PTPRO: variants seen among roughly 807,000 people sequenced by gnomAD.
PTPRO encodes receptor-type tyrosine-protein phosphatase O.
PTPRO carries 62 observed loss-of-function variants against 145.2 expected under a neutral mutation model. The observed-to-expected ratio is 0.43, with a 90% confidence interval of 0.35 to 0.53. The LOEUF (loss-of-function observed/expected upper bound fraction) is 0.53. Ranked by LOEUF, PTPRO falls within the 20% of genes least tolerant of loss-of-function variation. The pLI is 0.01. For synonymous variants in PTPRO, 565 were observed against 514.7 expected, an observed-to-expected ratio of 1.10 and a Z score of -1.32; for missense variants, 1,345 against 1,482.7, an observed-to-expected ratio of 0.91 and a Z score of 1.53.
At chr12:15,439,831 G>A (rs1439537649) in intron 1 of PTPRO, 1 of 617,570 alleles carries the variant, frequency 1.6e-6, no homozygotes, top group Non-Finnish European at 3.0e-6. Flanking sequence ...CCTCTCTCAA[G>A]AACAAGGATT....
At chr12:15,482,611 T>C (rs1941803262) in intron 1 of PTPRO, among the ~76,000 whole-genome samples, 1 of 152,156 alleles carries the variant, frequency 6.6e-6, no homozygotes, top group East Asian at 1.9e-4. Flanking sequence ...AATGTATATA[T>C]GTATCAAAAT....
At chr12:15,562,820 T>C (rs955018970) in intron 17 of PTPRO, among the ~76,000 whole-genome samples, 6 of 151,802 alleles carry the variant, frequency 4.0e-5, no homozygotes, top group Non-Finnish European at 7.4e-5. Flanking sequence ...TCCTAGGCAG[T>C]TGGCATTTTA....
chr12:15,404,067 G>C (rs1439874768), intron 1 of PTPRO, among the ~76,000 whole-genome samples: 1 of 151,420 alleles, frequency 6.6e-6, no homozygotes, highest in Admixed American at 6.6e-5. Context: ...GTGGTGGCGG[G>C]TGCCTGTAGT....
intron 1 of PTPRO, among the ~76,000 whole-genome samples, chr12:15,469,238 A>G (rs1287937703): frequency 1.3e-5 from 2 of 152,210 alleles, no homozygotes; most frequent in Non-Finnish European, 2.9e-5. Flanking sequence ...GGGAAAAACC[A>G]TTTTCAAACT....
At chr12:15,559,878 G>A (rs1166398953) in intron 16 of PTPRO, among the ~76,000 whole-genome samples, 1 of 152,082 alleles carries the variant, frequency 6.6e-6, no homozygotes, top group African/African-American at 2.4e-5. Context: ...TAACTAATGA[G>A]GCATATAAGT....
chr12:15,435,479 T>C (rs1472269582), intron 1 of PTPRO, among the ~76,000 whole-genome samples: 1 of 152,226 alleles, frequency 6.6e-6, no homozygotes, highest in African/African-American at 2.4e-5. Flanking sequence ...TTGCACTGTA[T>C]TGAATATAAA....
intron 9 of PTPRO, 196 bp downstream of exon 9, chr12:15,517,152 C>T (rs1042377620): frequency 9.3e-6 from 6 of 647,230 alleles, no homozygotes; most frequent in Non-Finnish European, 1.6e-5. Context: ...TTTAATTGGA[C>T]TTACAGTTCC....
intron 1 of PTPRO, among the ~76,000 whole-genome samples, chr12:15,360,497 T>C (rs1041851969): frequency 6.6e-6 from 1 of 152,094 alleles, no homozygotes; most frequent in African/African-American, 2.4e-5. Context: ...CCAAGTGCCA[T>C]GCAGGAACAA....
chr12:15,420,134 G>A (rs1940099532), intron 1 of PTPRO, among the ~76,000 whole-genome samples: 1 of 119,964 alleles, frequency 8.3e-6, no homozygotes, highest in East Asian at 2.4e-4. Flanking sequence ...GCGAAAGAGC[G>A]AGACTCCGAC....
intron 1 of PTPRO, among the ~76,000 whole-genome samples, chr12:15,470,783 G>A (rs1299810352): frequency 6.6e-6 from 1 of 152,182 alleles, no homozygotes; most frequent in Non-Finnish European, 1.5e-5. Context: ...AGAAAATAGA[G>A]TATGATCTAG....
At chr12:15,567,621 A>G (rs1356303578) in intron 18 of PTPRO, among the ~76,000 whole-genome samples, 1 of 152,144 alleles carries the variant, frequency 6.6e-6, no homozygotes, top group East Asian at 1.9e-4. Context: ...TGAAAGCTAG[A>G]GTTGTTAAAT....
chr12:15,400,904 G>T (rs1311742518), intron 1 of PTPRO, among the ~76,000 whole-genome samples: 1 of 152,154 alleles, frequency 6.6e-6, no homozygotes, highest in African/African-American at 2.4e-5. Context: ...CACCTAGCAC[G>T]AATTGTTGCT....
In PTPRO at chr12:15,559,195, C is replaced by T. The variant is rs74062872; in HGVS notation, c.2628-998C>T. 8.0e-3 allele frequency among the ~76,000 whole-genome samples: 1,218 copies of T among 152,200 alleles called. 13 individuals carry two copies. The highest frequency in any genetic ancestry group is 0.027 in the African/African-American group (1,142 of 41,534). On this transcript the variant is annotated intron_variant, in intron 16 of 26. Transcript: ENST00000281171. Reference sequence around the variant, plus strand: ...CACAATTCATGGAATTTATGGGAGACCAGTCATGGGAGAGCTGAAGCAAAA... The same window carrying T: ...CACAATTCATGGAATTTATGGGAGATCAGTCATGGGAGAGCTGAAGCAAAA...
At chr12:15,496,215 T>C (rs1450814789) in intron 2 of PTPRO, among the ~76,000 whole-genome samples, 1 of 149,530 alleles carries the variant, frequency 6.7e-6, no homozygotes, top group Non-Finnish European at 1.5e-5. Context: ...GGATCTCTGC[T>C]CTTGGCAACC....
intron 1 of PTPRO, among the ~76,000 whole-genome samples, chr12:15,378,610 A>G (rs1177799659): frequency 6.6e-6 from 1 of 151,956 alleles, no homozygotes; most frequent in African/African-American, 2.4e-5. Flanking sequence ...ATTCTACCAA[A>G]CATTTATGGG....
chr12:15,415,386 ATTT>A (rs58919838), intron 1 of PTPRO, among the ~76,000 whole-genome samples: 9 of 132,432 alleles, frequency 6.8e-5, no homozygotes, highest in Non-Finnish European at 1.0e-4. Flanking sequence ...GGTGAAATGA[ATTT>A]TTTTTTTTTT....
At chr12:15,365,659 T>C (rs1938338296) in intron 1 of PTPRO, among the ~76,000 whole-genome samples, 1 of 152,184 alleles carries the variant, frequency 6.6e-6, no homozygotes, top group South Asian at 2.1e-4. Flanking sequence ...AAACATCTTT[T>C]TATTTATCTG....
At chr12:15,385,216 G>A (rs1260981065) in intron 1 of PTPRO, among the ~76,000 whole-genome samples, 1 of 152,154 alleles carries the variant, frequency 6.6e-6, no homozygotes, top group Non-Finnish European at 1.5e-5. Context: ...GATACAAAGT[G>A]TGTTAAATGT....
At chr12:15,562,061 G>T (rs1025076102) in intron 17 of PTPRO, among the ~76,000 whole-genome samples, 1 of 152,064 alleles carries the variant, frequency 6.6e-6, no homozygotes, top group Non-Finnish European at 1.5e-5. Flanking sequence ...AACTGTAAAT[G>T]GTTGTCTCCA....
Sources: gnomAD v4.1 joint callset for allele counts (sites outside exome capture counted in the v4.1 genomes callset) on GRCh38, gnomAD v4.1.1 for gene constraint, MANE v1.5 for transcripts, NCBI Gene and HGNC (gene_info 2026-07-23, HGNC 2026-07-21) for gene names.